The following TTLL4 variants were observed in gnomAD, a reference collection of about 807,000 sequenced individuals.
TTLL4 encodes tubulin monoglutamylase TTLL4.
Under a neutral mutation model 122.7 loss-of-function variants are expected in TTLL4, and 85 were observed. The observed-to-expected ratio is 0.69, with a 90% CI of 0.58 to 0.83. The LOEUF is 0.83. Ranked by LOEUF, TTLL4 falls within the 40% of genes least tolerant of loss-of-function variation. The probability of loss-of-function intolerance (pLI) is 0.00; values close to 1 mark genes in which losing one functional copy is unlikely to be tolerated. For synonymous variants in TTLL4, 553 were observed against 563.0 expected, an observed-to-expected ratio of 0.98 and a Z score of 0.25; for missense variants, 1,363 against 1,488.6, an observed-to-expected ratio of 0.92 and a Z score of 1.39.
At chr2:218,728,290 C>T (rs1942253983) in intron 2 of TTLL4, among the ~76,000 whole-genome samples, 1 of 152,026 alleles carries the variant, frequency 6.6e-6, no homozygotes, top group Non-Finnish European at 1.5e-5. Context: ...TCAGTGGGAG[C>T]CCTGGGCTTG....
chr2:218,747,821 T>G lies in TTLL4; in HGVS notation c.2378+96T>G. ...GAAGACACCAAACAGAAAAATAGTT[T>G]TTGTTAGCAAGGGGAAAGGCAGGAA... is the stretch of plus-strand genomic sequence containing the variant. On this transcript the variant is annotated intron_variant, in intron 11 of 19. Transcript: ENST00000392102. This position sits in a 1 kb window ranked among gnomAD's most constrained non-coding sequence, Gnocchi z 4.7. 1 of 1,533,812 alleles carries G rather than the reference T, an allele frequency of 6.5e-7. No individual in the cohort carries two copies. Among genetic ancestry groups the G allele is most frequent in the Non-Finnish European group, 8.8e-7 (1 of 1,132,112 alleles).
At chr2:218,727,968 T>A (rs1177297621) in intron 2 of TTLL4, 1 of 152,240 alleles carries the variant, frequency 6.6e-6, no homozygotes, top group Non-Finnish European at 1.5e-5. Flanking sequence ...TGGATATGTT[T>A]GTTTAGAGAT....
chr2:218,750,167 C>T, intron 15 of TTLL4, 21 bp downstream of exon 15: 1 of 1,611,960 alleles, frequency 6.2e-7, no homozygotes, highest in Non-Finnish European at 8.5e-7. Flanking sequence ...TATTTCTTCA[C>T]AGCTCTGCTG....
Position 218,750,075 on chromosome 2 carries a change from G to C in TTLL4, c.2802G>C (p.Leu934=). ...KGQMIRDLLN[L]AGFVLPNAED... ...AGATGATTCGTGACCTTCTGAATCT[G>C]GCAGGTTTTGTCCTGCCCAATGCAG... The change falls in exon 15 of 20, where the codon CTG becomes CTC. Residue 934 remains leucine, a synonymous_variant. Coordinates refer to ENST00000392102, the MANE Select transcript of TTLL4 (RefSeq NM_014640.5). 6.2e-7 allele frequency: 1 copy of C among 1,614,044 alleles called. No individual in the cohort carries two copies. The highest frequency in any genetic ancestry group is 8.5e-7 in the Non-Finnish European group (1 of 1,179,992).
intron 1 of TTLL4, among the ~76,000 whole-genome samples, chr2:218,716,287 A>G (rs936436179): frequency 5.3e-5 from 8 of 152,364 alleles, no homozygotes; most frequent in Non-Finnish European, 8.8e-5. Flanking sequence ...TGACGTCGGA[A>G]TAACTATTAC....
chr2:218,749,467 CTTTTT>C, intron 14 of TTLL4, 80 bp downstream of exon 14: 2 of 1,271,048 alleles, frequency 1.6e-6, no homozygotes, highest in Non-Finnish European at 1.1e-6. Flanking sequence ...GTAAGTTGTT[CTTTTT>C]TTTTTTTTTT....
chr2:218,735,968 T>G (rs1190837618), intron 2 of TTLL4, among the ~76,000 whole-genome samples: 1 of 39,938 alleles, frequency 2.5e-5, no homozygotes, highest in African/African-American at 2.2e-4. Context: ...GTGCCCAGCC[T>G]TTTTTTTTTT....
rs758326255 is a variant in TTLL4, at chr2:218,747,351, G to A, written c.2228G>A (p.Arg743Gln). ...CACAAGTGGAGTCAGCTCCCCAAGC[G>A]AAGGCCCCTCCTGGTACAGAGGTGA... ...VIHKWSQLPK[R>Q]RPLLVQRYLH... The change falls in exon 10 of 20, where the codon CGA (arginine) becomes CAA (glutamine). Residue 743 changes from arginine to glutamine, a missense_variant. By Grantham distance (43) the Arg-to-Gln change is conservative (BLOSUM62 1). This residue lies in a region of TTLL4 where 596 missense variants were observed against 655.8 expected (regional missense o/e 0.91). Coordinates refer to ENST00000392102, the MANE Select transcript of TTLL4 (RefSeq NM_014640.5). This position sits in a 1 kb window ranked among gnomAD's most constrained non-coding sequence, Gnocchi z 4.7. 28 of 1,614,032 alleles carry A rather than the reference G, an allele frequency of 1.7e-5. No individual in the cohort carries two copies. The highest frequency in any genetic ancestry group is 2.2e-5 in the South Asian group (2 of 91,082).
chr2:218,744,379 A>G (rs911942306), intron 5 of TTLL4, among the ~76,000 whole-genome samples: 1 of 152,214 alleles, frequency 6.6e-6, no homozygotes, highest in Non-Finnish European at 1.5e-5. Context: ...CCTGACAGGT[A>G]GTTGATATGT....
In TTLL4 at chr2:218,747,054, C is replaced by T. The variant is rs768526533; in HGVS notation, c.2026C>T (p.Arg676Trp). 2.7e-5 allele frequency: 43 copies of T among 1,614,116 alleles called. No homozygotes were observed. The highest frequency in any genetic ancestry group is 3.3e-5 in the Admixed American group (2 of 60,010). The stretch of plus-strand genomic sequence containing the variant: ...GATTGGGAGGAAGGACCGGCTATGG[C>T]GGAACCTGTCACGTATGCAGAGCCG... ...FQIGRKDRLW[R>W]NLSRMQSRFG... The change falls in exon 9 of 20, where the codon CGG (arginine) becomes TGG (tryptophan). Residue 676 changes from arginine to tryptophan, a missense_variant. Transcript: ENST00000392102. The surrounding 1 kb of genome is among the most constrained non-coding windows in gnomAD (Gnocchi z 4.7).
At position 218,746,952 on chromosome 2, in the gene TTLL4, C is replaced by A. The variant is rs1195114867; in HGVS notation, c.1975-51C>A. The A allele has an allele frequency of 6.4e-6, 10 of 1,573,278 alleles. 1 individual carries two copies. The South Asian group carries it at 1.2e-4, about 18-fold the overall frequency. On this transcript the variant is annotated intron_variant, in intron 8 of 19. Transcript: ENST00000392102. ...GTAGAATGAGTCTTGTCATCTTCCT[C>A]ATGGCCTCACCTCTGCCCTCTTCCT... is the stretch of plus-strand genomic sequence containing the variant.
chr2:218,738,385 C>T lies in TTLL4; in HGVS notation c.709C>T (p.Gln237Ter). 6.2e-7 allele frequency: 1 copy of T among 1,614,172 alleles called. No homozygotes were observed. ...GCCAGTGCCTTTATTGCAGACCACACAGGGCCTGAAGCCAGTATCGCCACC... is the reference window on the plus strand; with the variant it reads ...GCCAGTGCCTTTATTGCAGACCACATAGGGCCTGAAGCCAGTATCGCCACC... ...STPVPLLQTTQGLKPVSPPKI... is the reference protein window; with the variant it reads ...STPVPLLQTT The change falls in exon 3 of 20, where the codon CAG (glutamine) becomes TAG (stop). Residue 237 changes from glutamine to a stop codon, truncating the protein, a stop_gained. Coordinates refer to ENST00000392102, the MANE Select transcript of TTLL4 (RefSeq NM_014640.5). LOFTEE classifies it high-confidence loss of function.
intron 1 of TTLL4, among the ~76,000 whole-genome samples, chr2:218,716,362 A>G (rs1941857899): frequency 6.6e-6 from 1 of 152,242 alleles, no homozygotes; most frequent in African/African-American, 2.4e-5. Context: ...AATTCAGACA[A>G]TCACACAAGT....
intron 1 of TTLL4, among the ~76,000 whole-genome samples, chr2:218,713,191 G>A (rs968595652): frequency 2.0e-5 from 3 of 152,056 alleles, no homozygotes; most frequent in Non-Finnish European, 4.4e-5. Flanking sequence ...ACCAGCCTGG[G>A]CAACATGGCG....
chr2:218,752,389 A>G (rs1943044993), intron 16 of TTLL4, among the ~76,000 whole-genome samples: 1 of 152,214 alleles, frequency 6.6e-6, no homozygotes, highest in Admixed American at 6.5e-5. Flanking sequence ...TGAGAGGCAC[A>G]GTGAGAGACC....
chr2:218,735,481 G>A (rs1942491421), intron 2 of TTLL4, among the ~76,000 whole-genome samples: 1 of 152,086 alleles, frequency 6.6e-6, no homozygotes, highest in South Asian at 2.1e-4. Context: ...GGCTGAAGGG[G>A]GAGGATCATT....
intron 1 of TTLL4, among the ~76,000 whole-genome samples, chr2:218,723,974 A>G (rs6717107): frequency 0.5 from 75,577 of 151,958 alleles, 19,535 homozygotes; most frequent in African/African-American, 0.61. Context: ...AATTTTTTGA[A>G]TATAAGAGAA....
At chr2:218,717,587 C>T (rs988272258) in intron 1 of TTLL4, among the ~76,000 whole-genome samples, 1 of 152,142 alleles carries the variant, frequency 6.6e-6, no homozygotes, top group African/African-American at 2.4e-5. Context: ...ACAAGAGCTA[C>T]CTGTAATTTC....
chr2:218,733,599 A>G (rs1353460801), intron 2 of TTLL4, among the ~76,000 whole-genome samples: 1 of 152,216 alleles, frequency 6.6e-6, no homozygotes, highest in East Asian at 1.9e-4. Flanking sequence ...GAAGTGGGAA[A>G]TGACCATTGC....
Sources: gnomAD v4.1 joint callset for allele counts (sites outside exome capture counted in the v4.1 genomes callset) on GRCh38, gnomAD v4.1.1 for gene constraint, gnomAD v4.1.1 regional missense constraint, Gnocchi (gnomAD v3.1) non-coding constraint, MANE v1.5 for transcripts, NCBI Gene and HGNC (gene_info 2026-07-23, HGNC 2026-07-21) for gene names.